The following SKI variants were observed in gnomAD, a reference collection of about 807,000 sequenced individuals.
SKI encodes ski oncogene.
Under a neutral mutation model 59.3 loss-of-function variants are expected in SKI, and 23 were observed. The observed-to-expected ratio is 0.39, with a 90% CI of 0.28 to 0.55. The LOEUF is 0.55. SKI is among the 20% of genes least tolerant of loss of function. SKI has a pLI of 0.67. For missense variants in SKI, 1,017 were observed against 1,038.9 expected (o/e 0.98, Z 0.29); for synonymous variants, 673 against 488.6 (o/e 1.38, Z -4.98).
At position 2,309,404 on chromosome 1, in the gene SKI, T is replaced by G. The variant is rs1640687014; in HGVS notation, c.*2639T>G. 1 of 152,204 alleles carries G rather than the reference T, an allele frequency of 6.6e-6. No homozygotes were observed. Among genetic ancestry groups the G allele is most frequent in the Non-Finnish European group, 1.5e-5 (1 of 68,034 alleles). The allele number at this position is 152,204 out of a possible 1,614,324, so 9.4% of individuals were successfully genotyped here. ...CTCTGGAGCAGCTAACTCATACACG[T>G]AATGTCTGCTTTTCGTACAGAACTA... is the stretch of plus-strand genomic sequence containing the variant. On this transcript the variant is annotated 3_prime_UTR_variant, in exon 7 of 7. Coordinates refer to ENST00000378536, the MANE Select transcript of SKI (RefSeq NM_003036.4).
chr1:2,254,559 G>C (rs145726469), intron 1 of SKI, among the ~76,000 whole-genome samples: 184 of 152,340 alleles, frequency 1.2e-3, no homozygotes, highest in Non-Finnish European at 2.2e-3. Flanking sequence ...CTGGCTGTCA[G>C]CCTGTCCTTG....
rs1457407953 is a variant in SKI, at chr1:2,229,561, G to C, written c.795G>C (p.Lys265Asn). Residue 265 changes from lysine (K) to asparagine (N), a missense_variant, in exon 1 of 7, where the codon AAG becomes AAC. By Grantham distance (94) the Lys-to-Asn change is moderately conservative. Coordinates refer to ENST00000378536, the MANE Select transcript of SKI (RefSeq NM_003036.4). This position sits in a 1 kb window ranked among gnomAD's most constrained non-coding sequence, Gnocchi z 6.3. ...PPHKFVVHSH[K>N]ALENRTCHWG... The stretch of plus-strand genomic sequence containing the variant: ...ACAAGTTCGTGGTGCACTCGCACAA[G>C]GCCCTGGAGAACCGGACCTGCCACT... The C allele has an allele frequency of 1.2e-6, 2 of 1,611,482 alleles. No homozygotes were observed. The highest frequency in any genetic ancestry group is 3.3e-5 in the Admixed American group (2 of 60,024).
intron 6 of SKI, 109 bp downstream of exon 6, chr1:2,306,359 C>A: frequency 8.7e-7 from 1 of 1,150,862 alleles, no homozygotes. Flanking sequence ...GAAGCCAGGC[C>A]CGGGACCACG....
At chr1:2,301,051 T>C (rs950068105) in intron 1 of SKI, among the ~76,000 whole-genome samples, 6 of 152,186 alleles carry the variant, frequency 3.9e-5, no homozygotes, top group African/African-American at 1.4e-4. Flanking sequence ...CCGGCTGTTG[T>C]GGCTTTTCCC....
intron 1 of SKI, among the ~76,000 whole-genome samples, chr1:2,290,822 C>T (rs1216724924): frequency 2.0e-5 from 3 of 152,224 alleles, no homozygotes; most frequent in Admixed American, 6.5e-5. Flanking sequence ...GCCGCTCTTA[C>T]GAAACACTCT....
At chr1:2,237,395 G>A (rs959145188) in intron 1 of SKI, among the ~76,000 whole-genome samples, 2 of 152,174 alleles carry the variant, frequency 1.3e-5, no homozygotes, top group Non-Finnish European at 2.9e-5. Context: ...TTCCTTTGAT[G>A]TCAGTCTTCT....
At chr1:2,233,800 G>C (rs1638695380) in intron 1 of SKI, among the ~76,000 whole-genome samples, 1 of 152,094 alleles carries the variant, frequency 6.6e-6, no homozygotes, top group South Asian at 2.1e-4. Context: ...GTTGTGTTTT[G>C]CTCTTTGCTG....
chr1:2,285,421 A>G (rs966674337), intron 1 of SKI, among the ~76,000 whole-genome samples: 15 of 151,412 alleles, frequency 9.9e-5, no homozygotes, highest in African/African-American at 3.6e-4. Context: ...AGGCTGAGGC[A>G]GGAGAATTGC....
Position 2,228,788 on chromosome 1 carries a change from C to T in SKI, c.22C>T (p.Arg8Cys). MEAAAGG[R>C]GCFQPHPGLQ... is the part of the protein sequence containing the mutation. The stretch of plus-strand genomic sequence containing the variant: ...CACCATGGAGGCGGCGGCAGGCGGC[C>T]GCGGCTGTTTCCAGCCGCACCCGGG... The change falls in exon 1 of 7, where the codon CGC becomes TGC. Residue 8 changes from arginine to cysteine, a missense_variant. Coordinates refer to ENST00000378536, the MANE Select transcript of SKI (RefSeq NM_003036.4). 3 of 1,311,522 alleles carry T rather than the reference C, an allele frequency of 2.3e-6. No homozygotes were observed. The highest frequency in any genetic ancestry group is 3.0e-6 in the Non-Finnish European group (3 of 1,016,950). 81.2% of individuals were successfully genotyped at this position (1,311,522 alleles called of 1,614,324 possible).
rs747369930 is a variant in SKI at position 2,303,435 on chromosome 1, C to G, written c.1211+35C>G. The G allele has an allele frequency of 6.4e-7, 1 of 1,566,294 alleles. No homozygotes were observed. The highest frequency in any genetic ancestry group is 8.8e-7 in the Non-Finnish European group (1 of 1,140,324). On this transcript the variant is annotated intron_variant, in intron 3 of 6. Coordinates refer to ENST00000378536, the MANE Select transcript of SKI (RefSeq NM_003036.4). This position sits in a 1 kb window ranked among gnomAD's most constrained non-coding sequence, Gnocchi z 5.6. Reference sequence around the variant, plus strand: ...CGCCATTCACAGGTGTTTCTGATCACGGGGGAGGCTCCACGAGGGCTGTGC... The same window carrying G: ...CGCCATTCACAGGTGTTTCTGATCAGGGGGGAGGCTCCACGAGGGCTGTGC...
intron 1 of SKI, among the ~76,000 whole-genome samples, chr1:2,301,211 G>A (rs544719482): frequency 7.4e-4 from 112 of 152,160 alleles, no homozygotes; most frequent in Admixed American, 2.1e-3. Context: ...GATGGCACCC[G>A]CCCCTGCCAG....
chr1:2,277,684 C>T (rs1172024128), intron 1 of SKI, among the ~76,000 whole-genome samples: 1 of 145,646 alleles, frequency 6.9e-6, no homozygotes, highest in African/African-American at 2.5e-5. Context: ...ACACATTCAT[C>T]AGGACCCATG....
chr1:2,267,966 G>A lies in SKI; in HGVS notation c.970-35012G>A, dbSNP rs555356106. ...TGTGTGCTGTGGTGGTCGTGGCTCT[G>A]TGGGTGCCGGGCAGAGGCCTCCCAG... On this transcript the variant is annotated intron_variant, in intron 1 of 6. Coordinates refer to ENST00000378536, the MANE Select transcript of SKI (RefSeq NM_003036.4). The surrounding 1 kb of genome is among the most constrained non-coding windows in gnomAD (Gnocchi z 4.1). 1.3e-5 allele frequency among the ~76,000 whole-genome samples: 2 copies of A among 152,302 alleles called. No individual in the cohort carries two copies. Among genetic ancestry groups the A allele is most frequent in the African/African-American group, 4.8e-5 (2 of 41,566 alleles).
chr1:2,286,440 G>A (rs942959937), intron 1 of SKI, among the ~76,000 whole-genome samples: 6 of 152,170 alleles, frequency 3.9e-5, no homozygotes, highest in African/African-American at 1.4e-4. Flanking sequence ...AGATTGCAGT[G>A]AACTATGATG....
intron 1 of SKI, among the ~76,000 whole-genome samples, chr1:2,240,130 C>A (rs974071768): frequency 2.6e-5 from 4 of 152,158 alleles, no homozygotes; most frequent in Non-Finnish European, 5.9e-5. Context: ...AAGTGTGGCC[C>A]CAAGGGCTGA....
At chr1:2,231,364 T>G (rs2100793827) in intron 1 of SKI, among the ~76,000 whole-genome samples, 1 of 152,224 alleles carries the variant, frequency 6.6e-6, no homozygotes, top group South Asian at 2.1e-4. Context: ...CTGCGTTTGT[T>G]TTTGTCCGAC....
intron 1 of SKI, among the ~76,000 whole-genome samples, chr1:2,250,229 C>T (rs1639112216): frequency 6.6e-6 from 1 of 152,174 alleles, no homozygotes; most frequent in African/African-American, 2.4e-5. Flanking sequence ...TTAAGGAAAC[C>T]ACTCAGTGTC....
In SKI at chr1:2,248,965, T is replaced by A. The variant is rs1266215310; in HGVS notation, c.969+19230T>A. On this transcript the variant is annotated intron_variant, in intron 1 of 6. Transcript: ENST00000378536. The stretch of plus-strand genomic sequence containing the variant: ...CACAAGCCATCTCAGGAGCCGCGTC[T>A]GGGCGCTGGCACGGGGACTGTGCCC... Among the ~76,000 whole-genome samples the A allele has an allele frequency of 7.2e-5, 11 of 152,362 alleles. No homozygotes were observed. In the East Asian group the frequency reaches 1.4e-3, roughly 19 times the overall value.
chr1:2,254,518 A>G (rs1378554273), intron 1 of SKI, among the ~76,000 whole-genome samples: 2 of 152,214 alleles, frequency 1.3e-5, no homozygotes, highest in Admixed American at 6.5e-5. Context: ...TTTACTTGAT[A>G]CTCAGTCTGG....
Sources: gnomAD v4.1 joint callset for allele counts (sites outside exome capture counted in the v4.1 genomes callset) on GRCh38, gnomAD v4.1.1 for gene constraint, Gnocchi (gnomAD v3.1) non-coding constraint, MANE v1.5 for transcripts, NCBI Gene and HGNC (gene_info 2026-07-23, HGNC 2026-07-21) for gene names.